KMT5B: variants seen among roughly 807,000 people sequenced by gnomAD.
KMT5B encodes lysine methyltransferase 5B, also known as histone-lysine N-methyltransferase KMT5B.
A neutral mutation model predicts 83.2 loss-of-function variants in KMT5B; 10 were observed. That is an observed-to-expected ratio of 0.12 (90% CI 0.07 to 0.20). The LOEUF is 0.20. KMT5B is among the 10% of genes least tolerant of loss of function. The probability of loss-of-function intolerance (pLI) is 1.00; values close to 1 mark genes in which losing one functional copy is unlikely to be tolerated. For synonymous variants in KMT5B, 349 were observed against 388.8 expected, an observed-to-expected ratio of 0.90 and a Z score of 1.20; for missense variants, 753 against 1,067.2, an observed-to-expected ratio of 0.71 and a Z score of 4.10.
In KMT5B at chr11:68,171,489, G is replaced by A. The variant is rs1855832577; in HGVS notation, c.820+54C>T. 5.1e-6 allele frequency: 8 copies of A among 1,559,098 alleles called. No individual in the cohort carries two copies. The South Asian group carries it at 8.2e-5, about 16-fold the overall frequency. On this transcript the variant is annotated intron_variant, in intron 7 of 10. Transcript: ENST00000304363. The surrounding 1 kb of genome is among the most constrained non-coding windows in gnomAD (Gnocchi z 5.1). ...GACTGAGGTTGACAAGGCCATTCTA[G>A]CAGTTAGCAGGAATGGCCAACACTA...
chr11:68,159,254 T>A, intron 10 of KMT5B, 83 bp from the exon 11 acceptor site: 1 of 1,487,804 alleles, frequency 6.7e-7, no homozygotes, highest in Non-Finnish European at 8.8e-7. Context: ...GGCTATTAGC[T>A]ACAGCACGTT....
rs989263153 is a variant in KMT5B, at chr11:68,157,540, T to A, written c.*148A>T. On this transcript the variant is annotated 3_prime_UTR_variant, in exon 11 of 11. Coordinates refer to ENST00000304363, the MANE Select transcript of KMT5B (RefSeq NM_017635.5). ...GCACAAATCAGACTTAAGAATTGAGTCAGTATGCTGTACACTTTCTACAAT... is the reference window on the plus strand; with the variant it reads ...GCACAAATCAGACTTAAGAATTGAGACAGTATGCTGTACACTTTCTACAAT... 6.9e-6 allele frequency: 8 copies of A among 1,162,718 alleles called. No homozygotes were observed. The African/African-American group carries it at 1.3e-4, about 18-fold the overall frequency. The allele number at this position is 1,162,718 out of a possible 1,614,324, so 72.0% of individuals were successfully genotyped here.
chr11:68,178,339 T>C (rs1270309774), intron 4 of KMT5B, among the ~76,000 whole-genome samples: 1 of 152,230 alleles, frequency 6.6e-6, no homozygotes, highest in African/African-American at 2.4e-5. Flanking sequence ...TTGTTTACTT[T>C]TTATTCATAA....
chr11:68,205,987 T>C (rs902683079), intron 1 of KMT5B, among the ~76,000 whole-genome samples: 5 of 152,210 alleles, frequency 3.3e-5, no homozygotes, highest in Admixed American at 2.0e-4. Context: ...AAGAAACTCC[T>C]AATTGCCTTA....
At chr11:68,188,238 A>G (rs1180924555) in intron 2 of KMT5B, among the ~76,000 whole-genome samples, 2 of 151,596 alleles carry the variant, frequency 1.3e-5, no homozygotes, top group Admixed American at 6.6e-5. Context: ...ATTAGCCAGG[A>G]TGGTCTCGAT....
chr11:68,211,796 G>C (rs1396669030), intron 1 of KMT5B, among the ~76,000 whole-genome samples: 1 of 152,190 alleles, frequency 6.6e-6, no homozygotes, highest in Non-Finnish European at 1.5e-5. Context: ...AGCTATTGGA[G>C]CCAGAGCTTG....
chr11:68,170,854 C>T (rs1347743951), intron 9 of KMT5B, among the ~76,000 whole-genome samples, 161 bp downstream of exon 9: 13 of 152,108 alleles, frequency 8.5e-5, no homozygotes, highest in Admixed American at 7.9e-4. Flanking sequence ...AATAGCTGTG[C>T]AGCATTTGAC....
At chr11:68,189,833 G>T in intron 2 of KMT5B, 84 bp downstream of exon 2, 1 of 1,334,672 alleles carries the variant, frequency 7.5e-7, no homozygotes, top group African/African-American at 1.5e-5. Flanking sequence ...TAAGACAAAA[G>T]AAAACAGAAT....
In KMT5B at chr11:68,181,648, T is replaced by C. The variant is rs531909875; in HGVS notation, c.309-1448A>G. 2.0e-5 allele frequency among the ~76,000 whole-genome samples: 3 copies of C among 152,358 alleles called. No homozygotes were observed. In the East Asian group the frequency reaches 5.8e-4, roughly 29 times the overall value. On this transcript the variant is annotated intron_variant, in intron 3 of 10. Coordinates refer to ENST00000304363, the MANE Select transcript of KMT5B (RefSeq NM_017635.5). ...ATTTATTGGCTATTTACTACCTTAA[T>C]TAAGCATTATCAGTTTTCCTTATTT...
rs1414048757 is a variant in KMT5B, at chr11:68,166,254, C to T, written c.1174+728G>A. On this transcript the variant is annotated intron_variant, in intron 10 of 10. Coordinates refer to ENST00000304363, the MANE Select transcript of KMT5B (RefSeq NM_017635.5). ...TTCAAAGCTCCGCAAACAGGATGTG[C>T]TTTCCTTTGCCCATTTAGGGTTTCT... The T allele has an allele frequency of 1.2e-5, 14 of 1,178,336 alleles. No homozygotes were observed. The Admixed American group carries it at 2.2e-4, about 18-fold the overall frequency. The allele number at this position is 1,178,336 out of a possible 1,614,324, so 73.0% of individuals were successfully genotyped here.
At position 68,201,917 on chromosome 11, in the gene KMT5B, C is replaced by G. The variant is rs1374192046; in HGVS notation, c.-77+11221G>C. Among the ~76,000 whole-genome samples the G allele has an allele frequency of 3.6e-5, 5 of 137,394 alleles. No homozygotes were observed. The East Asian group carries it at 6.2e-4, about 17-fold the overall frequency. The allele number at this position is 137,394 out of a possible 152,430, so 90.1% of individuals were successfully genotyped here. ...CAACATGGTCAGACCCCAGTCTCTA[C>G]CAAAAAAAAAAAAAAAAAAAAATTA... On this transcript the variant is annotated intron_variant, in intron 1 of 10. Coordinates refer to ENST00000304363, the MANE Select transcript of KMT5B (RefSeq NM_017635.5).
Position 68,157,543 on chromosome 11 carries a change from G to A in KMT5B, c.*145C>T, listed in dbSNP as rs892615911. On this transcript the variant is annotated 3_prime_UTR_variant, in exon 11 of 11. Coordinates refer to ENST00000304363, the MANE Select transcript of KMT5B (RefSeq NM_017635.5). The stretch of plus-strand genomic sequence containing the variant: ...CAAATCAGACTTAAGAATTGAGTCA[G>A]TATGCTGTACACTTTCTACAATAGT... 4.0e-5 allele frequency: 47 copies of A among 1,188,620 alleles called. No individual in the cohort carries two copies. The African/African-American group carries it at 7.2e-4, about 18-fold the overall frequency. 73.6% of individuals were successfully genotyped at this position (1,188,620 alleles called of 1,614,324 possible).
intron 3 of KMT5B, among the ~76,000 whole-genome samples, chr11:68,182,519 T>TA (rs1301354570): frequency 1.3e-5 from 2 of 150,526 alleles, no homozygotes; most frequent in Non-Finnish European, 3.0e-5. Flanking sequence ...AGTGCAGTGG[T>TA]ATGAATACAG....
chr11:68,159,431 G>C (rs1464720774), intron 10 of KMT5B, among the ~76,000 whole-genome samples: 1 of 152,184 alleles, frequency 6.6e-6, no homozygotes, highest in Middle Eastern at 3.2e-3. Flanking sequence ...CAGGGACCTA[G>C]ATTCCACTCT....
At chr11:68,203,761 T>C (rs1461334962) in intron 1 of KMT5B, among the ~76,000 whole-genome samples, 3 of 152,212 alleles carry the variant, frequency 2.0e-5, no homozygotes, top group Non-Finnish European at 2.9e-5. Flanking sequence ...GGGGTGTTAG[T>C]ATTATGAAAA....
In KMT5B at chr11:68,175,914, GTT is replaced by G. The variant is rs397848049; in HGVS notation, c.378-733_378-732del. On this transcript the variant is annotated intron_variant, in intron 4 of 10. Transcript: ENST00000304363. ...GTAGGAAAACTGATGGGGTAGAGTT[GTT>G]TTTTTTTTTTTTTTTTGAGATGGAG... is the stretch of plus-strand genomic sequence containing the variant. Among the ~76,000 whole-genome samples the G allele has an allele frequency of 1.7e-3, 220 of 126,314 alleles. 1 individual carries two copies. Among genetic ancestry groups the G allele is most frequent in the African/African-American group, 5.7e-3 (192 of 33,412 alleles). The allele number at this position is 126,314 out of a possible 152,430, so 82.9% of individuals were successfully genotyped here. A position where few individuals can be genotyped will look rare whatever the true frequency, so the allele number is the denominator to read the frequency against.
chr11:68,209,693 C>A (rs1860626379), intron 1 of KMT5B, among the ~76,000 whole-genome samples: 1 of 152,178 alleles, frequency 6.6e-6, no homozygotes, highest in Non-Finnish European at 1.5e-5. Flanking sequence ...GGCTAAAGCT[C>A]AGAAACAAAT....
chr11:68,157,938 C>G lies in KMT5B; in HGVS notation c.2408G>C (p.Ser803Thr). Residue 803 changes from serine to threonine, a missense_variant, in exon 11 of 11, where the codon AGT becomes ACT. Transcript: ENST00000304363. ...AGACTCCAAGAGAGAAAGAGGATCA[C>G]TGCAGCACACCCCATTTTCATGAAG... is the stretch of plus-strand genomic sequence containing the variant. ...EGLHENGVCC[S>T]DPLSLLESRM... 1 of 1,614,230 alleles carries G rather than the reference C, an allele frequency of 6.2e-7. No individual in the cohort carries two copies. The highest frequency in any genetic ancestry group is 8.5e-7 in the Non-Finnish European group (1 of 1,180,046).
chr11:68,158,716 T>C lies in KMT5B; in HGVS notation c.1630A>G (p.Thr544Ala). Residue 544 changes from threonine (T) to alanine (A), a missense_variant, in exon 11 of 11, where the codon ACA (threonine) becomes GCA (alanine). Transcript: ENST00000304363. ...GAGGCCTCCTTCAGATTTGTTCTTG[T>C]CCTCACTGACCGCCGAGTTATGTAG... ...CTYITRRSVRTRTNLKEASDI... is the reference protein window; with the variant it reads ...CTYITRRSVRARTNLKEASDI... 6.2e-7 allele frequency: 1 copy of C among 1,614,122 alleles called. No homozygotes were observed. Among genetic ancestry groups the C allele is most frequent in the Non-Finnish European group, 8.5e-7 (1 of 1,180,030 alleles).
Sources: allele counts gnomAD v4.1 joint callset (sites outside exome capture counted in the v4.1 genomes callset), GRCh38; gene constraint gnomAD v4.1.1; non-coding constraint Gnocchi (gnomAD v3.1); transcripts MANE v1.5; gene names NCBI Gene and HGNC (gene_info 2026-07-23, HGNC 2026-07-21).